ABLIM1: variants seen among roughly 807,000 people sequenced by gnomAD.
The protein encoded by ABLIM1 is actin-binding LIM protein 1.
In ABLIM1, 40 loss-of-function variants were observed where a neutral mutation model predicts 107.0. The observed-to-expected ratio is 0.37, with a 90% CI of 0.29 to 0.49. The LOEUF is 0.49. Ranked by LOEUF, ABLIM1 falls within the 20% of genes least tolerant of loss-of-function variation. ABLIM1 has a pLI of 0.97. For synonymous variants in ABLIM1, 357 were observed against 357.3 expected (o/e 1.00, Z 0.01); for missense variants, 857 against 1,008.5 (o/e 0.85, Z 2.04).
intron 1 of ABLIM1, among the ~76,000 whole-genome samples, chr10:114,640,433 A>G (rs957455653): frequency 6.6e-6 from 1 of 152,196 alleles, no homozygotes; most frequent in African/African-American, 2.4e-5. Context: ...AGGCTGGGGC[A>G]GGAGAATCGC....
rs571283174 is a variant in ABLIM1, at chr10:114,753,367, T to G, written c.-213+14694A>C. On this transcript the variant is annotated intron_variant, in intron 1 of 15. Transcript: ENST00000651092. ...GTAAAGCTCATTAAAAGTTACAGAC[T>G]AATACTTTCGGCTATGCTCTAAAAA... Among the ~76,000 whole-genome samples the G allele has an allele frequency of 1.2e-4, 18 of 152,340 alleles. No homozygotes were observed. The South Asian group carries it at 3.5e-3, about 30-fold the overall frequency.
chr10:114,769,650 T>C (rs55633935), upstream of ABLIM1, among the ~76,000 whole-genome samples: 61,719 of 151,746 alleles, frequency 0.41, 13,777 homozygotes, highest in Non-Finnish European at 0.5. Context: ...ATGGGAATTG[T>C]ATGGAATTGT....
At chr10:114,470,161 AC>A (rs1463346533) in intron 10 of ABLIM1, among the ~76,000 whole-genome samples, 1 of 152,180 alleles carries the variant, frequency 6.6e-6, no homozygotes, top group African/African-American at 2.4e-5. Context: ...GGTGGCTCAC[AC>A]CTGTAATCCC....
In ABLIM1 at chr10:114,681,220, A is replaced by T. The variant is rs537523969; in HGVS notation, c.64+3070T>A. On this transcript the variant is annotated intron_variant, in intron 1 of 23. Transcript: ENST00000369256. ...TTTTAATTTTTATATTGAGAGAGAG[A>T]GTTTTGCTCTTTTTGCCCAGGCTTG... Among the ~76,000 whole-genome samples the T allele has an allele frequency of 5.7e-4, 86 of 152,154 alleles. 1 individual carries two copies. The highest frequency in any genetic ancestry group is 2.2e-3 in the Admixed American group (34 of 15,286).
intron 6 of ABLIM1, among the ~76,000 whole-genome samples, chr10:114,530,893 T>A (rs775760872): frequency 2.6e-5 from 4 of 152,176 alleles, no homozygotes; most frequent in Non-Finnish European, 5.9e-5. Context: ...GTGAAGTCTT[T>A]AACATTTTTG....
In ABLIM1 at chr10:114,470,847, C is replaced by CTTT. The variant is rs10692424; in HGVS notation, c.1275+2127_1275+2129dup. Among the ~76,000 whole-genome samples the CTTT allele has an allele frequency of 1.5e-3, 230 of 151,536 alleles. 1 individual carries two copies. The highest frequency in any genetic ancestry group is 5.3e-3 in the African/African-American group (216 of 40,966). ...GTTAGTCAGCATCGGTCTGGTTTTT[C>CTTT]TTTTTTTCTTTTTTTGTGGTGGTGG... On this transcript the variant is annotated intron_variant, in intron 10 of 22. Coordinates refer to ENST00000533213, the MANE Select transcript of ABLIM1 (RefSeq NM_002313.7).
At chr10:114,631,960 G>A in intron 1 of ABLIM1, 5 of 1,303,826 alleles carry the variant, frequency 3.8e-6, no homozygotes, top group Non-Finnish European at 4.0e-6. Context: ...GAAGGAACGA[G>A]GAATAAACTC....
At chr10:114,475,625 C>T (rs777077541) in intron 8 of ABLIM1, among the ~76,000 whole-genome samples, 2 of 152,122 alleles carry the variant, frequency 1.3e-5, no homozygotes, top group Non-Finnish European at 1.5e-5. Context: ...ATGTTAATTA[C>T]ACGATTTGAG....
intron 1 of ABLIM1, among the ~76,000 whole-genome samples, chr10:114,739,962 C>A (rs2082254016): frequency 6.6e-6 from 1 of 152,060 alleles, no homozygotes; most frequent in East Asian, 1.9e-4. Flanking sequence ...CTTGAGTATA[C>A]TAGATGGATT....
In ABLIM1 at chr10:114,545,930, C is replaced by CAAA. The variant is rs369045013; in HGVS notation, c.801-835_801-833dup. 1.2e-3 allele frequency among the ~76,000 whole-genome samples: 136 copies of CAAA among 111,432 alleles called. 2 individuals carry two copies. Among genetic ancestry groups the CAAA allele is most frequent in the South Asian group, 2.6e-3 (8 of 3,086 alleles). The allele number at this position is 111,432 out of a possible 152,430, so 73.1% of individuals were successfully genotyped here. A position where few individuals can be genotyped will look rare whatever the true frequency, so the allele number is the denominator to read the frequency against. ...TGGGTGACAGCACAAGACCCCATCT[C>CAAA]AAAAAAAAAAAACAAAAAAAAAAAA... On this transcript the variant is annotated intron_variant, in intron 5 of 22. Transcript: ENST00000533213.
chr10:114,570,203 T>A (rs1483627995), intron 4 of ABLIM1, among the ~76,000 whole-genome samples: 1 of 152,204 alleles, frequency 6.6e-6, no homozygotes, highest in Admixed American at 6.5e-5. Context: ...AGGAAAGAGA[T>A]GGGAGTAGAG....
Position 114,490,974 on chromosome 10 carries a change from ATGTGTGTGTGTGTG to A in ABLIM1, c.982+803_982+816del, listed in dbSNP as rs140256636. Among the ~76,000 whole-genome samples, 62 of 99,270 alleles carry A rather than the reference ATGTGTGTGTGTGTG, an allele frequency of 6.2e-4. 1 individual carries two copies. Among genetic ancestry groups the A allele is most frequent in the Admixed American group, 1.9e-3 (15 of 7,774 alleles). 65.1% of individuals were successfully genotyped at this position (99,270 alleles called of 152,430 possible). A position where few individuals can be genotyped will look rare whatever the true frequency, so the allele number is the denominator to read the frequency against. ...GTGAGCCACCACGCCCGGCATATAT[ATGTGTGTGTGTGTG>A]TGTGTGTGTGTGTGTGTGTGTGTGT... On this transcript the variant is annotated intron_variant, in intron 7 of 22. Coordinates refer to ENST00000533213, the MANE Select transcript of ABLIM1 (RefSeq NM_002313.7).
Position 114,575,402 on chromosome 10 carries a change from A to G in ABLIM1, c.563+14T>C, listed in dbSNP as rs1216930745. On this transcript the variant is annotated intron_variant, in intron 3 of 22. Transcript: ENST00000533213. The stretch of plus-strand genomic sequence containing the variant: ...GGAGGAAGGTGTAGGCTTTGGAAAG[A>G]TAGGCTCACTTACTTGCAGATAGTA... The G allele has an allele frequency of 8.7e-6, 14 of 1,611,928 alleles. No homozygotes were observed. The highest frequency in any genetic ancestry group is 1.2e-5 in the Non-Finnish European group (14 of 1,178,862).
At position 114,473,875 on chromosome 10, in the gene ABLIM1, TTACATAGA is replaced by T; in HGVS notation, c.1115_1119+3del. On this transcript the variant is annotated splice_donor_variant and splice_donor_region_variant and coding_sequence_variant and intron_variant, in exon 9 of 23. Transcript: ENST00000533213. LOFTEE classifies it high-confidence loss of function. ...AAATGTCACTTCCAGAAGTAGATAC[TTACATAGA>T]TAGTATGACCTGGTGAGCCAGGAAT... 6.2e-7 allele frequency: 1 copy of T among 1,606,962 alleles called. No homozygotes were observed. The highest frequency in any genetic ancestry group is 8.5e-7 in the Non-Finnish European group (1 of 1,173,968).
rs2059352222 is a variant in ABLIM1, at chr10:114,436,205, C to T, written c.*55G>A. 3.5e-6 allele frequency: 5 copies of T among 1,444,102 alleles called. No individual in the cohort carries two copies. The highest frequency in any genetic ancestry group is 4.8e-6 in the Non-Finnish European group (5 of 1,032,820). 89.5% of individuals were successfully genotyped at this position (1,444,102 alleles called of 1,614,324 possible). A position where few individuals can be genotyped will look rare whatever the true frequency, so the allele number is the denominator to read the frequency against. On this transcript the variant is annotated 3_prime_UTR_variant, in exon 23 of 23. Coordinates refer to ENST00000533213, the MANE Select transcript of ABLIM1 (RefSeq NM_002313.7). ...CAAGTTTGGGCCTCAATATGACATCCTATGGGGCACCGCCACTGTCAGTCC... is the reference window on the plus strand; with the variant it reads ...CAAGTTTGGGCCTCAATATGACATCTTATGGGGCACCGCCACTGTCAGTCC...
intron 1 of ABLIM1, among the ~76,000 whole-genome samples, chr10:114,731,812 G>A (rs948877494): frequency 1.3e-5 from 2 of 152,094 alleles, no homozygotes; most frequent in Non-Finnish European, 2.9e-5. Context: ...GTTTCACCAT[G>A]TTGGCCAGGC....
chr10:114,784,684 GAAAAAGA>G, the ABLIM1 span, among the ~76,000 whole-genome samples: 1 of 60,546 alleles, frequency 1.7e-5, no homozygotes, highest in Admixed American at 1.6e-4. Context: ...AAAAAAAAAA[GAAAAAGA>G]AAAAAAAAAA....
rs553831056 is a variant in ABLIM1, at chr10:114,477,066, C to T, written c.1042-3110G>A. On this transcript the variant is annotated intron_variant, in intron 8 of 22. Transcript: ENST00000533213. The stretch of plus-strand genomic sequence containing the variant: ...AGGAAAAAGTATCAGTGCTCCAAGC[C>T]ACACAGGTAGGAAAGGGATGAAGAG... 6.1e-4 allele frequency among the ~76,000 whole-genome samples: 93 copies of T among 152,140 alleles called. No individual in the cohort carries two copies. In the Middle Eastern group the frequency reaches 0.01, roughly 17 times the overall value.
chr10:114,573,063 G>A (rs1437659803), intron 3 of ABLIM1, among the ~76,000 whole-genome samples: 1 of 152,152 alleles, frequency 6.6e-6, no homozygotes, highest in African/African-American at 2.4e-5. Context: ...TCTCAACTTG[G>A]GCTGGGCCTT....
Sources: allele counts gnomAD v4.1 joint callset (sites outside exome capture counted in the v4.1 genomes callset), GRCh38; gene constraint gnomAD v4.1.1; transcripts MANE v1.5; gene names NCBI Gene and HGNC (gene_info 2026-07-23, HGNC 2026-07-21).